The following DAB2IP variants were observed in gnomAD, a reference collection of about 807,000 sequenced individuals.
The protein encoded by DAB2IP is disabled homolog 2-interacting protein.
In DAB2IP, 28 loss-of-function variants were observed where a neutral mutation model predicts 107.2. The observed-to-expected ratio is 0.26, with a 90% confidence interval of 0.19 to 0.36. The LOEUF (loss-of-function observed/expected upper bound fraction) is 0.36. Ranked by LOEUF, DAB2IP falls within the 10% of genes least tolerant of loss-of-function variation. The pLI is 1.00. For missense variants in DAB2IP, 1,400 were observed against 1,644.7 expected (o/e 0.85, Z 2.57); for synonymous variants, 755 against 706.4 (o/e 1.07, Z -1.09).
At chr9:121,661,928 C>T (rs1405345849) in intron 1 of DAB2IP, among the ~76,000 whole-genome samples, 1 of 151,654 alleles carries the variant, frequency 6.6e-6, no homozygotes, top group African/African-American at 2.4e-5. Context: ...TTGTGATGAC[C>T]TATGATCGCA....
intron 1 of DAB2IP, among the ~76,000 whole-genome samples, chr9:121,601,090 A>G (rs1164472640): frequency 1.3e-5 from 2 of 152,184 alleles, no homozygotes; most frequent in Non-Finnish European, 2.9e-5. Context: ...AGCCTCACAC[A>G]TTCTTATCCC....
At chr9:121,678,828 C>T (rs1828414761) in intron 2 of DAB2IP, 47 bp downstream of exon 2, 45 of 1,501,860 alleles carry the variant, frequency 3.0e-5, no homozygotes, top group Non-Finnish European at 4.0e-5. Context: ...CCACCATCAC[C>T]ACCTCGCCCG....
chr9:121,774,398 A>G, exon 13 of DAB2IP: 1 of 1,610,974 alleles, frequency 6.2e-7, no homozygotes, highest in Non-Finnish European at 8.5e-7. Context: ...GGACGAGCTC[A>G]GCCAAGCAGA....
At chr9:121,657,895 C>G (rs1208296782) in intron 1 of DAB2IP, among the ~76,000 whole-genome samples, 2 of 152,168 alleles carry the variant, frequency 1.3e-5, no homozygotes, top group Admixed American at 1.3e-4. Context: ...CCAACTGTTT[C>G]CCTTGACAAC....
chr9:121,781,819 C>A (rs2119043505), intron 15 of DAB2IP, among the ~76,000 whole-genome samples: 1 of 151,762 alleles, frequency 6.6e-6, no homozygotes, highest in Non-Finnish European at 1.5e-5. Flanking sequence ...AGAGTGGAAG[C>A]CACCAGGAGG....
chr9:121,640,294 G>T (rs947248017), intron 1 of DAB2IP, among the ~76,000 whole-genome samples: 33 of 152,110 alleles, frequency 2.2e-4, no homozygotes, highest in African/African-American at 6.3e-4. Flanking sequence ...AGAGCTCACT[G>T]TTCCGGAGAG....
chr9:121,610,204 T>G (rs1831041185), intron 1 of DAB2IP, among the ~76,000 whole-genome samples: 1 of 152,180 alleles, frequency 6.6e-6, no homozygotes, highest in African/African-American at 2.4e-5. Flanking sequence ...GGATAGTGGC[T>G]CTGTGTTAGG....
At chr9:121,584,006 G>A (rs142622042) in intron 1 of DAB2IP, among the ~76,000 whole-genome samples, 30 of 152,148 alleles carry the variant, frequency 2.0e-4, no homozygotes, top group Admixed American at 2.0e-3. Context: ...GTGAAACCCT[G>A]TCTCTACTAA....
At chr9:121,638,280 G>T in intron 1 of DAB2IP, among the ~76,000 whole-genome samples, 1 of 152,204 alleles carries the variant, frequency 6.6e-6, no homozygotes, top group Middle Eastern at 3.2e-3. Flanking sequence ...CATTGTATTA[G>T]CTATAAGTAT....
chr9:121,664,498 G>A (rs1371941335), intron 1 of DAB2IP, among the ~76,000 whole-genome samples: 1 of 152,194 alleles, frequency 6.6e-6, no homozygotes, highest in Non-Finnish European at 1.5e-5. Flanking sequence ...TGTCAACTAA[G>A]CAATACTGAG....
At chr9:121,584,014 T>C (rs549558617) in intron 1 of DAB2IP, among the ~76,000 whole-genome samples, 15 of 151,638 alleles carry the variant, frequency 9.9e-5, no homozygotes, top group African/African-American at 3.4e-4. Context: ...CTGTCTCTAC[T>C]AAAAATACAA....
At chr9:121,567,792 T>G (rs897832296) in intron 1 of DAB2IP, among the ~76,000 whole-genome samples, 3 of 152,132 alleles carry the variant, frequency 2.0e-5, no homozygotes, top group Admixed American at 6.5e-5. Context: ...ATGCAGAGTC[T>G]GGAAGAGGGA....
intron 3 of DAB2IP, among the ~76,000 whole-genome samples, chr9:121,717,380 T>C (rs1308855384): frequency 1.3e-5 from 2 of 152,228 alleles, no homozygotes; most frequent in African/African-American, 4.8e-5. Context: ...GAAGCACGTT[T>C]CTACACATGA....
intron 1 of DAB2IP, among the ~76,000 whole-genome samples, chr9:121,581,440 T>A (rs1830192917): frequency 6.6e-6 from 1 of 152,166 alleles, no homozygotes; most frequent in Admixed American, 6.5e-5. Flanking sequence ...GGGGAGCTAG[T>A]CAGACTCTTA....
chr9:121,738,974 C>T (rs1832125742), intron 3 of DAB2IP, among the ~76,000 whole-genome samples: 2 of 152,236 alleles, frequency 1.3e-5, no homozygotes, highest in Admixed American at 6.5e-5. Flanking sequence ...TGAAGTTCCC[C>T]TACTGAAATG....
intron 8 of DAB2IP, among the ~76,000 whole-genome samples, chr9:121,764,652 C>T (rs1285775674): frequency 6.6e-6 from 1 of 152,180 alleles, no homozygotes; most frequent in Non-Finnish European, 1.5e-5. Flanking sequence ...CAGGTTTAAC[C>T]TGTGTCCCCC....
At chr9:121,721,124 G>A (rs1367468891) in intron 3 of DAB2IP, among the ~76,000 whole-genome samples, 2 of 152,186 alleles carry the variant, frequency 1.3e-5, no homozygotes, top group Admixed American at 6.5e-5. Flanking sequence ...TAGAAGGCAG[G>A]AAGGTGCCAG....
At chr9:121,623,785 C>T (rs1831553748) in intron 1 of DAB2IP, among the ~76,000 whole-genome samples, 1 of 152,026 alleles carries the variant, frequency 6.6e-6, no homozygotes. Context: ...CCTCCTGGGT[C>T]CAAGTGATTC....
chr9:121,714,322 T>A (rs1830483397), intron 3 of DAB2IP, among the ~76,000 whole-genome samples: 1 of 152,178 alleles, frequency 6.6e-6, no homozygotes, highest in South Asian at 2.1e-4. Context: ...GGAGGGAAAA[T>A]AGCAAATGCA....
Sources: allele counts gnomAD v4.1 joint callset (sites outside exome capture counted in the v4.1 genomes callset), GRCh38; gene constraint gnomAD v4.1.1; transcripts MANE v1.5; gene names NCBI Gene and HGNC (gene_info 2026-07-23, HGNC 2026-07-21).